The following CHL1 variants were observed in gnomAD, a reference collection of about 807,000 sequenced individuals.
CHL1 encodes neural cell adhesion molecule L1-like protein.
Under a neutral mutation model 141.9 loss-of-function variants are expected in CHL1, and 96 were observed. That is an observed-to-expected ratio of 0.68 (90% CI 0.57 to 0.80). The LOEUF is 0.80. CHL1 is among the 30% of genes least tolerant of loss of function. The pLI is 0.00. For synonymous variants in CHL1, 613 were observed against 502.2 expected (o/e 1.22, Z -2.95); for missense variants, 1,820 against 1,457.2 (o/e 1.25, Z -4.05).
chr3:275,500 A>G (rs984488558), intron 2 of CHL1, among the ~76,000 whole-genome samples: 1 of 152,192 alleles, frequency 6.6e-6, no homozygotes, highest in African/African-American at 2.4e-5. Flanking sequence ...GAACAAAGCC[A>G]TATCTTATGA....
Position 341,967 on chromosome 3 carries a change from A to G in CHL1, c.564A>G (p.Leu188=), listed in dbSNP as rs766283348. 1.9e-6 allele frequency: 3 copies of G among 1,613,528 alleles called. No homozygotes were observed. Among genetic ancestry groups the G allele is most frequent in the Non-Finnish European group, 1.7e-6 (2 of 1,179,574 alleles). Residue 188 remains leucine, a synonymous_variant, in exon 7 of 28, where the codon CTA becomes CTG. Transcript: ENST00000256509. The part of the protein sequence containing the change: ...ERVYMSQKGD[L]YFANVEEKDS... ...TATACATGAGCCAAAAGGGAGATCT[A>G]TACTTCGCAAACGTGGAAGAAAAGG...
chr3:260,212 C>T (rs1297256513), intron 2 of CHL1, among the ~76,000 whole-genome samples: 2 of 152,026 alleles, frequency 1.3e-5, no homozygotes, highest in African/African-American at 2.4e-5. Flanking sequence ...TGCAGTGAGT[C>T]GAGATGGTGC....
At chr3:273,097 T>C (rs992368228) in intron 2 of CHL1, among the ~76,000 whole-genome samples, 3 of 152,088 alleles carry the variant, frequency 2.0e-5, no homozygotes, top group Admixed American at 6.6e-5. Context: ...AGGTGGAGGG[T>C]AGAGCAGGTG....
intron 21 of CHL1, 27 bp downstream of exon 21, chr3:390,843 T>A (rs1708162767): frequency 3.3e-6 from 5 of 1,514,734 alleles, no homozygotes; most frequent in Non-Finnish European, 3.7e-6. Context: ...TTTTTCCTCT[T>A]CTTGTTGAAT....
At chr3:261,272 T>A (rs1694697429) in intron 2 of CHL1, among the ~76,000 whole-genome samples, 1 of 151,724 alleles carries the variant, frequency 6.6e-6, no homozygotes, top group South Asian at 2.1e-4. Flanking sequence ...AAGTACTTGG[T>A]CTTTTTTAAA....
At chr3:230,340 A>G (rs1240301936) in intron 1 of CHL1, among the ~76,000 whole-genome samples, 1 of 152,194 alleles carries the variant, frequency 6.6e-6, no homozygotes, top group African/African-American at 2.4e-5. Flanking sequence ...AACACTGACA[A>G]AATCCCAAGT....
At chr3:285,636 A>G (rs1033263590) in intron 2 of CHL1, among the ~76,000 whole-genome samples, 6 of 152,146 alleles carry the variant, frequency 3.9e-5, no homozygotes, top group East Asian at 1.9e-4. Context: ...AGTTTACTCA[A>G]TTTTAAAATT....
At chr3:300,625 T>C (rs1194003719) in intron 2 of CHL1, among the ~76,000 whole-genome samples, 1 of 152,194 alleles carries the variant, frequency 6.6e-6, no homozygotes, top group Non-Finnish European at 1.5e-5. Context: ...AATGACGACA[T>C]GATGATGAGC....
chr3:300,390 G>A (rs988679275), intron 2 of CHL1, among the ~76,000 whole-genome samples: 2 of 152,146 alleles, frequency 1.3e-5, no homozygotes, highest in African/African-American at 4.8e-5. Context: ...GAGGTGATGG[G>A]ATAGAAGACA....
rs181720814 is a variant in CHL1 at position 228,721 on chromosome 3, A to G, written c.-174-15892A>G. 5.2e-3 allele frequency among the ~76,000 whole-genome samples: 792 copies of G among 152,190 alleles called. 7 individuals are homozygous for G. Among genetic ancestry groups the G allele is most frequent in the African/African-American group, 0.018 (729 of 41,506 alleles). ...ATGGGATAGCAACGGATTTCTATCAACTCCATGAGGGAGATAAGTAAGGTG... is the reference window on the plus strand; with the variant it reads ...ATGGGATAGCAACGGATTTCTATCAGCTCCATGAGGGAGATAAGTAAGGTG... On this transcript the variant is annotated intron_variant, in intron 1 of 27. Transcript: ENST00000256509.
intron 2 of CHL1, among the ~76,000 whole-genome samples, chr3:269,008 G>C (rs572018832): frequency 6.6e-6 from 1 of 152,266 alleles, no homozygotes; most frequent in East Asian, 1.9e-4. Flanking sequence ...TTGGTAACTA[G>C]AGTTCACAGC....
chr3:356,115 A>G (rs928216181), intron 11 of CHL1, among the ~76,000 whole-genome samples: 2 of 152,166 alleles, frequency 1.3e-5, no homozygotes, highest in Non-Finnish European at 2.9e-5. Context: ...ATTATTAACT[A>G]TCTTCAGATT....
chr3:223,754 G>T (rs545741492), intron 1 of CHL1, among the ~76,000 whole-genome samples: 201 of 152,298 alleles, frequency 1.3e-3, no homozygotes, highest in Non-Finnish European at 2.6e-3. Flanking sequence ...ATCTCTGAAA[G>T]CTCAGAGGCT....
chr3:389,354 C>T lies in CHL1; in HGVS notation c.2350C>T (p.His784Tyr). 1 of 1,614,170 alleles carries T rather than the reference C, an allele frequency of 6.2e-7. No homozygotes were observed. Among genetic ancestry groups the T allele is most frequent in the Non-Finnish European group, 8.5e-7 (1 of 1,180,030 alleles). Residue 784 changes from histidine (H) to tyrosine (Y), a missense_variant, in exon 20 of 28, where the codon CAC becomes TAC. By Grantham distance (83) the His-to-Tyr change is moderately conservative. Transcript: ENST00000256509. Reference protein sequence around the residue: ...VEWEEETVTNHTLRVMTPAVY... With the variant: ...VEWEEETVTNYTLRVMTPAVY... ...GTGGGAAGAAGAAACAGTCACAAAC[C>T]ACACATTGCGGGTGATGACGCCTGC...
At chr3:339,237 CT>C (rs529223440) in intron 5 of CHL1, among the ~76,000 whole-genome samples, 87 of 152,258 alleles carry the variant, frequency 5.7e-4, no homozygotes, top group Admixed American at 5.6e-3. Flanking sequence ...TTGTATATTA[CT>C]ATGCCTTATG....
chr3:383,857 C>A lies in CHL1; in HGVS notation c.2218C>A (p.Gln740Lys). 1 of 1,609,988 alleles carries A rather than the reference C, an allele frequency of 6.2e-7. No homozygotes were observed. Among genetic ancestry groups the A allele is most frequent in the Non-Finnish European group, 8.5e-7 (1 of 1,177,518 alleles). ...ACAAAACATAAGGGTTCAAGCCTCT[C>A]AACCCAAGGAAATGATTATAAAGTG... is the stretch of plus-strand genomic sequence containing the variant. ...NPQNIRVQASQPKEMIIKWEP... is the reference protein window; with the variant it reads ...NPQNIRVQASKPKEMIIKWEP... The change falls in exon 19 of 28, where the codon CAA (glutamine) becomes AAA (lysine). Residue 740 changes from glutamine (Q) to lysine (K), a missense_variant. Gln to Lys is a moderately conservative substitution (Grantham distance 53, BLOSUM62 1). Transcript: ENST00000256509.
chr3:196,803 G>A lies in CHL1; in HGVS notation c.-435G>A, dbSNP rs1698363812. 6.6e-6 allele frequency: 1 copy of A among 152,466 alleles called. No homozygotes were observed. Among genetic ancestry groups the A allele is most frequent in the African/African-American group, 2.4e-5 (1 of 41,466 alleles). The allele number at this position is 152,466 out of a possible 1,614,324, so 9.4% of individuals were successfully genotyped here. On this transcript the variant is annotated 5_prime_UTR_variant, in exon 1 of 28. Transcript: ENST00000256509. ...GGAGCAGAGGCGAGAGCCAGCCTCCGGCAGGAGGGCGTAGACCCCGGTGCC... is the reference window on the plus strand; with the variant it reads ...GGAGCAGAGGCGAGAGCCAGCCTCCAGCAGGAGGGCGTAGACCCCGGTGCC...
At chr3:393,030 G>A (rs1362440827) in intron 23 of CHL1, among the ~76,000 whole-genome samples, 1 of 152,022 alleles carries the variant, frequency 6.6e-6, no homozygotes, top group African/African-American at 2.4e-5. Context: ...TCAGGAGATC[G>A]AGACCATCCT....
rs552544761 is a variant in CHL1 at position 327,248 on chromosome 3, G to A, written c.198-919G>A. On this transcript the variant is annotated intron_variant, in intron 4 of 27. Coordinates refer to ENST00000256509, the MANE Select transcript of CHL1 (RefSeq NM_006614.4). ...ACATAGATTAGTGTAAGAATATGGC[G>A]TCCTGAAATATACCCAAATTTGCAT... Among the ~76,000 whole-genome samples, 117 of 151,978 alleles carry A rather than the reference G, an allele frequency of 7.7e-4. 1 individual carries two copies. Among genetic ancestry groups the A allele is most frequent in the Non-Finnish European group, 1.4e-3 (98 of 67,880 alleles).
Sources: gnomAD v4.1 joint callset for allele counts (sites outside exome capture counted in the v4.1 genomes callset) on GRCh38, gnomAD v4.1.1 for gene constraint, MANE v1.5 for transcripts, NCBI Gene and HGNC (gene_info 2026-07-23, HGNC 2026-07-21) for gene names.